The following SH2B3 variants were observed in gnomAD, a reference collection of about 807,000 sequenced individuals.
The protein encoded by SH2B3 is SH2B adaptor protein 3.
SH2B3 carries 43 observed loss-of-function variants against 51.9 expected under a neutral mutation model. That is an observed-to-expected ratio of 0.83 (90% CI 0.65 to 1.07). The LOEUF is 1.07. Among genes scored for constraint, SH2B3 ranks in the 50% least tolerant of loss-of-function variants. SH2B3 has a pLI of 0.00. For missense variants in SH2B3, 952 were observed against 834.3 expected (o/e 1.14, Z -1.74); for synonymous variants, 396 against 376.0 (o/e 1.05, Z -0.62).
rs1256822522 is a variant in SH2B3, at chr12:111,429,787, C to T, written c.732+10910C>T. ...AGGTCCAGAAACTTGCCCGAGGCCCCAGAGCTGGTAGGTGGCCAAGGCAGG... is the reference window on the plus strand; with the variant it reads ...AGGTCCAGAAACTTGCCCGAGGCCCTAGAGCTGGTAGGTGGCCAAGGCAGG... On this transcript the variant is annotated intron_variant, in intron 2 of 7. Transcript: ENST00000341259. This position sits in a 1 kb window ranked among gnomAD's most constrained non-coding sequence, Gnocchi z 4.4. 1.3e-5 allele frequency among the ~76,000 whole-genome samples: 2 copies of T among 152,204 alleles called. No homozygotes were observed. Among genetic ancestry groups the T allele is most frequent in the African/African-American group, 4.8e-5 (2 of 41,440 alleles).
In SH2B3 at chr12:111,447,495, C is replaced by T. The variant is rs200936167; in HGVS notation, c.1187C>T (p.Thr396Met). 7.7e-6 allele frequency: 11 copies of T among 1,428,992 alleles called. No individual in the cohort carries two copies. Among genetic ancestry groups the T allele is most frequent in the African/African-American group, 4.4e-5 (3 of 68,946 alleles). The allele number at this position is 1,428,992 out of a possible 1,614,324, so 88.5% of individuals were successfully genotyped here. A position where few individuals can be genotyped will look rare whatever the true frequency, so the allele number is the denominator to read the frequency against. The change falls in exon 6 of 8, where the codon ACG (threonine) becomes ATG (methionine). Residue 396 changes from threonine to methionine, a missense_variant. Thr to Met is a moderately conservative substitution (Grantham distance 81). Transcript: ENST00000341259. ...GTGTTCCTGGTGCGGCAGAGCGAGA[C>T]GCGGCGTGGGGAATACGTGCTCACT... is the stretch of plus-strand genomic sequence containing the variant. Reference protein sequence around the residue: ...HGVFLVRQSETRRGEYVLTFN... With the variant: ...HGVFLVRQSEMRRGEYVLTFN...
chr12:111,425,193 C>T (rs1250634910), intron 2 of SH2B3, among the ~76,000 whole-genome samples: 2 of 152,018 alleles, frequency 1.3e-5, no homozygotes, highest in Non-Finnish European at 2.9e-5. Flanking sequence ...ATGAGGGCTG[C>T]GCTGGGAGAG....
At position 111,418,798 on chromosome 12, in the gene SH2B3, A is replaced by AGCGCGGGAGGCTGGC; in HGVS notation, c.656_670dup (p.Arg219_Ala223dup). 6.9e-7 allele frequency: 1 copy of AGCGCGGGAGGCTGGC among 1,448,714 alleles called. No individual in the cohort carries two copies. The highest frequency in any genetic ancestry group is 9.0e-7 in the Non-Finnish European group (1 of 1,111,934). 89.7% of individuals were successfully genotyped at this position (1,448,714 alleles called of 1,614,324 possible). ...TCCATGGACAGCGGGGCACGCTGGC[A>AGCGCGGGAGGCTGGC]GCGCGGGAGGCTGGCGCTGCGCCGG... On this transcript the variant is annotated inframe_insertion, in exon 2 of 8. Coordinates refer to ENST00000341259, the MANE Select transcript of SH2B3 (RefSeq NM_005475.3). This position sits in a 1 kb window ranked among gnomAD's most constrained non-coding sequence, Gnocchi z 6.7.
At chr12:111,416,103 C>T (rs901976568) in intron 1 of SH2B3, among the ~76,000 whole-genome samples, 3 of 151,896 alleles carry the variant, frequency 2.0e-5, no homozygotes, top group African/African-American at 4.8e-5. Context: ...CACCACCCCC[C>T]GCTAATTTTT....
Position 111,418,121 on chromosome 12 carries a change from C to A in SH2B3, c.-25C>A. 2 of 1,478,702 alleles carry A rather than the reference C, an allele frequency of 1.4e-6. No individual in the cohort carries two copies. Among genetic ancestry groups the A allele is most frequent in the Non-Finnish European group, 1.8e-6 (2 of 1,126,404 alleles). The allele number at this position is 1,478,702 out of a possible 1,614,324, so 91.6% of individuals were successfully genotyped here. On this transcript the variant is annotated splice_region_variant and 5_prime_UTR_variant, in exon 2 of 8. Transcript: ENST00000341259. This position sits in a 1 kb window ranked among gnomAD's most constrained non-coding sequence, Gnocchi z 6.7. Reference sequence around the variant, plus strand: ...CCCCCCACCCACGTGTCTTTCAGCCCGGCCGCACCACCTGGGTCTCCGCCA... The same window carrying A: ...CCCCCCACCCACGTGTCTTTCAGCCAGGCCGCACCACCTGGGTCTCCGCCA...
At chr12:111,430,233 C>T (rs1453791224) in intron 2 of SH2B3, among the ~76,000 whole-genome samples, 5 of 152,240 alleles carry the variant, frequency 3.3e-5, no homozygotes, top group Admixed American at 2.6e-4. Flanking sequence ...CAGCCACACA[C>T]ACTGCCGCCC....
intron 2 of SH2B3, among the ~76,000 whole-genome samples, chr12:111,427,503 C>T (rs994365350): frequency 1.3e-5 from 2 of 151,598 alleles, no homozygotes; most frequent in East Asian, 1.9e-4. Context: ...TAGAGCCTGA[C>T]GGGGAGGCGA....
At position 111,419,421 on chromosome 12, in the gene SH2B3, G is replaced by GAGGCCAGGGGTTCAAGACC. The variant is rs1270810179; in HGVS notation, c.732+547_732+565dup. Among the ~76,000 whole-genome samples the GAGGCCAGGGGTTCAAGACC allele has an allele frequency of 2.4e-4, 37 of 152,314 alleles. 1 individual carries two copies. The East Asian group carries it at 2.9e-3, about 12-fold the overall frequency. ...GGAGGCCAAGGTGGGCAGATCATTTGAGGCCAGGGGTTCAAGACCAGTCTG... is the reference window on the plus strand; with the variant it reads ...GGAGGCCAAGGTGGGCAGATCATTTGAGGCCAGGGGTTCAAGACCAGGCCAGGGGTTCAAGACCAGTCTG... On this transcript the variant is annotated intron_variant, in intron 2 of 7. Transcript: ENST00000341259.
At position 111,418,066 on chromosome 12, in the gene SH2B3, C is replaced by A; in HGVS notation, c.-27-53C>A. 7.2e-7 allele frequency: 1 copy of A among 1,380,348 alleles called. No homozygotes were observed. The highest frequency in any genetic ancestry group is 1.5e-5 in the South Asian group (1 of 68,820). The allele number at this position is 1,380,348 out of a possible 1,614,324, so 85.5% of individuals were successfully genotyped here. On this transcript the variant is annotated intron_variant, in intron 1 of 7. Coordinates refer to ENST00000341259, the MANE Select transcript of SH2B3 (RefSeq NM_005475.3). The surrounding 1 kb of genome is among the most constrained non-coding windows in gnomAD (Gnocchi z 6.7). Reference sequence around the variant, plus strand: ...GCCCGGTGTGTAATGGGGCCTACACCTGCTTGCCCACCTGCTTACTCCTTG... The same window carrying A: ...GCCCGGTGTGTAATGGGGCCTACACATGCTTGCCCACCTGCTTACTCCTTG...
chr12:111,419,002 C>T (rs1166653034), intron 2 of SH2B3, 125 bp downstream of exon 2: 1 of 927,356 alleles, frequency 1.1e-6, no homozygotes, highest in Non-Finnish European at 1.5e-6. Context: ...CCAGAGGGAA[C>T]TAGGCCCTCT....
intron 1 of SH2B3, among the ~76,000 whole-genome samples, chr12:111,416,365 C>G (rs1871090129): frequency 6.6e-6 from 1 of 152,208 alleles, no homozygotes; most frequent in African/African-American, 2.4e-5. Context: ...AATTCATGCT[C>G]ATAATATGCC....
At chr12:111,414,395 C>T (rs1419204731) in intron 1 of SH2B3, among the ~76,000 whole-genome samples, 1 of 152,072 alleles carries the variant, frequency 6.6e-6, no homozygotes, top group African/African-American at 2.4e-5. Flanking sequence ...AGTTTGAGAC[C>T]AGCCTAGGCA....
intron 2 of SH2B3, chr12:111,434,945 C>T: frequency 6.5e-7 from 1 of 1,535,452 alleles, no homozygotes; most frequent in Non-Finnish European, 8.7e-7. Context: ...AGGACCTGGC[C>T]TGGCTGTGCC....
Position 111,429,090 on chromosome 12 carries a change from G to A in SH2B3, c.732+10213G>A, listed in dbSNP as rs1593052100. 6.6e-6 allele frequency among the ~76,000 whole-genome samples: 1 copy of A among 151,726 alleles called. No homozygotes were observed. The highest frequency in any genetic ancestry group is 6.6e-5 in the Admixed American group (1 of 15,254). On this transcript the variant is annotated intron_variant, in intron 2 of 7. Coordinates refer to ENST00000341259, the MANE Select transcript of SH2B3 (RefSeq NM_005475.3). This position sits in a 1 kb window ranked among gnomAD's most constrained non-coding sequence, Gnocchi z 4.4. ...AGGAGGGACGGCAGGAAGCCGCCTC[G>A]GGCTCTGACAGGCGCGGCCCTGGCC...
chr12:111,443,906 T>C (rs915124543), intron 2 of SH2B3: 1 of 152,108 alleles, frequency 6.6e-6, no homozygotes, highest in Admixed American at 6.6e-5. Flanking sequence ...ACCTAGAGGG[T>C]AGGGCCCGGC....
chr12:111,412,172 G>A (rs1368019760), intron 1 of SH2B3, among the ~76,000 whole-genome samples: 2 of 152,198 alleles, frequency 1.3e-5, no homozygotes, highest in East Asian at 3.9e-4. Context: ...GTCACCATCT[G>A]ATCAATTGCT....
intron 1 of SH2B3, among the ~76,000 whole-genome samples, chr12:111,411,597 C>T (rs955492290): frequency 1.3e-5 from 2 of 152,164 alleles, no homozygotes; most frequent in African/African-American, 4.8e-5. Context: ...CGATTTCTCA[C>T]CGACTTGGTG....
At position 111,448,115 on chromosome 12, in the gene SH2B3, G is replaced by A; in HGVS notation, c.1541G>A (p.Gly514Asp). The A allele has an allele frequency of 6.2e-7, 1 of 1,614,038 alleles. No individual in the cohort carries two copies. The highest frequency in any genetic ancestry group is 8.5e-7 in the Non-Finnish European group (1 of 1,179,992). Residue 514 changes from glycine (G) to aspartate (D), a missense_variant, in exon 8 of 8, where the codon GGT (glycine) becomes GAT (aspartate). By Grantham distance (94) the Gly-to-Asp change is moderately conservative. Transcript: ENST00000341259. Reference sequence around the variant, plus strand: ...TGTCCCCGGGGGCTCAGCCCAGAGGGTCTCCCAGGGCGATCCTCACCCCCC... The same window carrying A: ...TGTCCCCGGGGGCTCAGCCCAGAGGATCTCCCAGGGCGATCCTCACCCCCC... ...SGCPRGLSPE[G>D]LPGRSSPPEQ...
chr12:111,417,745 C>T (rs1871194103), intron 1 of SH2B3, among the ~76,000 whole-genome samples: 1 of 152,080 alleles, frequency 6.6e-6, no homozygotes, highest in Non-Finnish European at 1.5e-5. Flanking sequence ...GCCTGAGCCT[C>T]CGACCTCAGC....
Sources: gnomAD v4.1 joint callset for allele counts (sites outside exome capture counted in the v4.1 genomes callset) on GRCh38, gnomAD v4.1.1 for gene constraint, Gnocchi (gnomAD v3.1) non-coding constraint, MANE v1.5 for transcripts, NCBI Gene and HGNC (gene_info 2026-07-23, HGNC 2026-07-21) for gene names.